The following KLK14 variants were observed in gnomAD, a reference collection of about 807,000 sequenced individuals.
KLK14 encodes the protein kallikrein related peptidase 14, also known as kallikrein-14.
KLK14 carries 21 observed loss-of-function variants against 24.6 expected under a neutral mutation model. The ratio of observed to expected loss-of-function variants is 0.85; its 90% CI spans 0.61 to 1.23. The LOEUF (loss-of-function observed/expected upper bound fraction) is 1.23, where lower values mean the gene tolerates loss of function less well. Among genes scored for constraint, KLK14 ranks in the 50% most tolerant of loss-of-function variants. KLK14 has a pLI of 0.00. For missense variants in KLK14, 320 were observed against 338.9 expected (o/e 0.94, Z 0.44); for synonymous variants, 133 against 139.7 (o/e 0.95, Z 0.34).
In KLK14 at chr19:51,079,952, G is replaced by A. The variant is rs548693224; in HGVS notation, c.213-250C>T. ...CCAGCTCCTGGCTTGGGAAGAAGGT[G>A]ATGATTGGGAGAGCTTGGCTCCGTG... is the stretch of plus-strand genomic sequence containing the variant. On this transcript the variant is annotated intron_variant, in intron 3 of 5. Transcript: ENST00000650543. 2.0e-5 allele frequency among the ~76,000 whole-genome samples: 3 copies of A among 152,338 alleles called. No homozygotes were observed. The East Asian group carries it at 5.8e-4, about 29-fold the overall frequency.
At chr19:51,079,884 G>A (rs920986167) in intron 3 of KLK14, among the ~76,000 whole-genome samples, 182 bp from the exon 4 acceptor site, 2 of 152,084 alleles carry the variant, frequency 1.3e-5, no homozygotes, top group South Asian at 2.1e-4. Flanking sequence ...GCATTCTCTC[G>A]GCCCAGCCCC....
chr19:51,082,726 A>ACTT lies in KLK14; in HGVS notation c.-28_-27insAAG. On this transcript the variant is annotated 5_prime_UTR_variant, in exon 1 of 6. Transcript: ENST00000650543. Reference sequence around the variant, plus strand: ...GAGACAGCAAGGGGCACTTACCCAGAGCCCAAGACCCTCAGGGACATGAAG... The same window carrying ACTT: ...GAGACAGCAAGGGGCACTTACCCAGACTTGCCCAAGACCCTCAGGGACATGAAG... 1 of 1,614,064 alleles carries ACTT rather than the reference A, an allele frequency of 6.2e-7. No homozygotes were observed.
chr19:51,082,358 C>T (rs2072689), intron 2 of KLK14, among the ~76,000 whole-genome samples: 69,248 of 151,786 alleles, frequency 0.46, 16,280 homozygotes, highest in East Asian at 0.61. Flanking sequence ...TTGCACCAGA[C>T]CTTATAAACA....
At chr19:51,082,330 T>C (rs933946351) in intron 2 of KLK14, among the ~76,000 whole-genome samples, 1 of 152,182 alleles carries the variant, frequency 6.6e-6, no homozygotes, top group African/African-American at 2.4e-5. Flanking sequence ...AATAGTTCCC[T>C]AAGATTCCTT....
upstream of KLK14, chr19:51,082,956 G>A (rs1031395088): frequency 3.4e-5 from 21 of 612,288 alleles, no homozygotes; most frequent in East Asian, 1.7e-4. Flanking sequence ...ACCTCCCGCC[G>A]CCCTGCTTCT....
At position 51,078,229 on chromosome 19, in the gene KLK14, C is replaced by T. The variant is rs1023815158; in HGVS notation, c.604-70G>A. On this transcript the variant is annotated intron_variant, in intron 5 of 5. Coordinates refer to ENST00000650543, the MANE Select transcript of KLK14 (RefSeq NM_001369775.2). This position sits in a 1 kb window ranked among gnomAD's most constrained non-coding sequence, Gnocchi z 5.0. ...CAGAGCCACCATGGCACAGAGAACC[C>T]GAGAAGCAGACACAGGGAGACAGGC... 88 of 1,513,132 alleles carry T rather than the reference C, an allele frequency of 5.8e-5. No individual in the cohort carries two copies. The highest frequency in any genetic ancestry group is 2.6e-4 in the Admixed American group (14 of 53,836). The allele number at this position is 1,513,132 out of a possible 1,614,324, so 93.7% of individuals were successfully genotyped here.
chr19:51,082,114 A>G (rs1417153868), intron 2 of KLK14, among the ~76,000 whole-genome samples: 1 of 151,614 alleles, frequency 6.6e-6, no homozygotes, highest in Non-Finnish European at 1.5e-5. Context: ...TGGGACCCCA[A>G]GGATCCGCCA....
downstream of KLK14, chr19:51,077,504 C>T (rs565646269): frequency 3.7e-5 from 6 of 164,090 alleles, no homozygotes; most frequent in African/African-American, 1.2e-4. Flanking sequence ...GGGGAGAAAA[C>T]GCCTGAAGCA....
Position 51,078,064 on chromosome 19 carries a change from G to A in KLK14, c.699C>T (p.Val233=), listed in dbSNP as rs1399411828. The A allele has an allele frequency of 1.9e-6, 3 of 1,613,980 alleles. No homozygotes were observed. The South Asian group carries it at 3.3e-5, about 18-fold the overall frequency. Residue 233 remains valine (V), a synonymous_variant, in exon 6 of 6, where the codon GTC becomes GTT. Coordinates refer to ENST00000650543, the MANE Select transcript of KLK14 (RefSeq NM_001369775.2). The surrounding 1 kb of genome is among the most constrained non-coding windows in gnomAD (Gnocchi z 5.0). ...TTCTGTACTTGCACAGGTTGGTGTA[G>A]ACACCGGGGTAGCCAGGCAGGGCGC... ...ERCALPGYPG[V]YTNLCKYRSW... is the part of the protein sequence containing the mutation.
At position 51,078,940 on chromosome 19, in the gene KLK14, C is replaced by T. The variant is rs530387101; in HGVS notation, c.478G>A (p.Ala160Thr). ...TTGATGTTCACGCATTGCAGAGAGG[C>T]GGGGTACCTGGCTGGGGGACACTGC... is the stretch of plus-strand genomic sequence containing the variant. ...TISSPIARYP[A>T]SLQCVNINIS... The change falls in exon 5 of 6, where the codon GCC becomes ACC. Residue 160 changes from alanine (A) to threonine (T), a missense_variant. Ala to Thr is a moderately conservative substitution (Grantham distance 58). Coordinates refer to ENST00000650543, the MANE Select transcript of KLK14 (RefSeq NM_001369775.2). The surrounding 1 kb of genome is among the most constrained non-coding windows in gnomAD (Gnocchi z 5.0). 4.6e-5 allele frequency: 74 copies of T among 1,613,768 alleles called. No individual in the cohort carries two copies. Among genetic ancestry groups the T allele is most frequent in the African/African-American group, 6.7e-5 (5 of 75,014 alleles).
chr19:51,083,382 G>A (rs993973586), upstream of KLK14, among the ~76,000 whole-genome samples: 1 of 128,460 alleles, frequency 7.8e-6, no homozygotes, highest in Non-Finnish European at 1.6e-5. Flanking sequence ...AGGGTGACGG[G>A]GGGGAGAGAG....
chr19:51,082,936 C>A, upstream of KLK14: 1 of 665,268 alleles, frequency 1.5e-6, no homozygotes, highest in South Asian at 2.0e-5. Flanking sequence ...GGACAGCTGG[C>A]CCTGCCCCCA....
chr19:51,079,784 G>T, intron 3 of KLK14, 82 bp from the exon 4 acceptor site: 1 of 1,480,550 alleles, frequency 6.8e-7, no homozygotes, highest in South Asian at 1.3e-5. Context: ...TTCCCTGGCC[G>T]GGTGACGAGT....
In KLK14 at chr19:51,079,637, C is replaced by T. The variant is rs760124513; in HGVS notation, c.278G>A (p.Arg93His). ...RRWEATQQVLRVVRQVTHPNY... is the reference protein window; with the variant it reads ...RRWEATQQVLHVVRQVTHPNY... The stretch of plus-strand genomic sequence containing the variant: ...GGGGTGCGTCACCTGACGAACCACG[C>T]GCAGCACCTGCTGGGTGGCCTCCCA... Residue 93 changes from arginine to histidine, a missense_variant, in exon 4 of 6, where the codon CGC becomes CAC. Arg to His is a conservative substitution (Grantham distance 29, BLOSUM62 0). Coordinates refer to ENST00000650543, the MANE Select transcript of KLK14 (RefSeq NM_001369775.2). 4.4e-6 allele frequency: 7 copies of T among 1,607,246 alleles called. No individual in the cohort carries two copies. Among genetic ancestry groups the T allele is most frequent in the African/African-American group, 2.7e-5 (2 of 74,784 alleles).
intron 3 of KLK14, among the ~76,000 whole-genome samples, chr19:51,080,037 G>A (rs1365473259): frequency 1.3e-5 from 2 of 152,226 alleles, no homozygotes; most frequent in East Asian, 1.9e-4. Flanking sequence ...TATGAGTCTA[G>A]GCTCTAAATC....
chr19:51,082,681 G>T (rs1254216327), intron 1 of KLK14, 41 bp downstream of exon 1: 1 of 1,614,042 alleles, frequency 6.2e-7, no homozygotes, highest in Non-Finnish European at 8.5e-7. Context: ...ACCTTCAACA[G>T]AACCGGGGGC....
intron 2 of KLK14, among the ~76,000 whole-genome samples, chr19:51,081,993 C>T (rs1173100759): frequency 6.6e-6 from 1 of 152,070 alleles, no homozygotes; most frequent in Non-Finnish European, 1.5e-5. Context: ...TAGCTCTATG[C>T]TCCCATAATT....
In KLK14 at chr19:51,078,762, C is replaced by T; in HGVS notation, c.603+53G>A. 6.3e-7 allele frequency: 1 copy of T among 1,597,340 alleles called. No individual in the cohort carries two copies. The highest frequency in any genetic ancestry group is 8.5e-7 in the Non-Finnish European group (1 of 1,171,568). The stretch of plus-strand genomic sequence containing the variant: ...ACTTCCATGCTCCTGACATCATTTG[C>T]TTAAATCCCAGTCCCAAATAATCCC... On this transcript the variant is annotated intron_variant, in intron 5 of 5. Transcript: ENST00000650543. The surrounding 1 kb of genome is among the most constrained non-coding windows in gnomAD (Gnocchi z 5.0).
At chr19:51,080,178 A>AT (rs1197269782) in intron 3 of KLK14, among the ~76,000 whole-genome samples, 68 of 125,864 alleles carry the variant, frequency 5.4e-4, no homozygotes, top group African/African-American at 1.2e-3. Flanking sequence ...TGATTTATTT[A>AT]TTTATTTTTT....
Sources: allele counts gnomAD v4.1 joint callset (sites outside exome capture counted in the v4.1 genomes callset), GRCh38; gene constraint gnomAD v4.1.1; non-coding constraint Gnocchi (gnomAD v3.1); transcripts MANE v1.5; gene names NCBI Gene and HGNC (gene_info 2026-07-23, HGNC 2026-07-21).